Variants in MAGI2 observed in about 807,000 individuals in gnomAD.
MAGI2 encodes membrane-associated guanylate kinase, WW and PDZ domain-containing protein 2.
In MAGI2, 35 loss-of-function variants were observed where a neutral mutation model predicts 133.3. That is an observed-to-expected ratio of 0.26 (90% confidence interval 0.20 to 0.35). MAGI2 has a LOEUF of 0.35. MAGI2 is among the 10% of genes least tolerant of loss of function. The probability of loss-of-function intolerance (pLI) is 1.00; values close to 1 mark genes in which losing one functional copy is unlikely to be tolerated. For missense variants in MAGI2, 1,636 were observed against 1,863.4 expected (o/e 0.88, Z 2.25); for synonymous variants, 729 against 710.6 (o/e 1.03, Z -0.41).
At chr7:79,146,287 G>A (rs1479841458) in intron 1 of MAGI2, among the ~76,000 whole-genome samples, 2 of 152,182 alleles carry the variant, frequency 1.3e-5, no homozygotes, top group Non-Finnish European at 2.9e-5. Flanking sequence ...ACACCTTTTT[G>A]TGCTTTGTAC....
chr7:79,379,111 TC>T (rs11367140), intron 1 of MAGI2, among the ~76,000 whole-genome samples: 62,937 of 136,116 alleles, frequency 0.46, 14,168 homozygotes, highest in African/African-American at 0.6. Context: ...CCCTCCCTCC[TC>T]CCCCCCACCC....
At chr7:78,594,854 G>A (rs1804431540) in intron 3 of MAGI2, among the ~76,000 whole-genome samples, 1 of 152,110 alleles carries the variant, frequency 6.6e-6, no homozygotes, top group African/African-American at 2.4e-5. Flanking sequence ...GGAAACAAGG[G>A]TAATCACCCC....
intron 2 of MAGI2, among the ~76,000 whole-genome samples, chr7:78,729,510 A>G (rs1821162800): frequency 6.6e-6 from 1 of 152,212 alleles, no homozygotes; most frequent in Non-Finnish European, 1.5e-5. Flanking sequence ...CTTGGCCAAC[A>G]GACTCAGAGA....
intron 6 of MAGI2, among the ~76,000 whole-genome samples, chr7:78,464,468 T>G (rs998480196): frequency 1.3e-5 from 2 of 152,158 alleles, no homozygotes; most frequent in Non-Finnish European, 2.9e-5. Flanking sequence ...CCCCTATACC[T>G]GTAGCCCTTT....
At chr7:78,859,837 C>T (rs1181186498) in intron 2 of MAGI2, among the ~76,000 whole-genome samples, 2 of 152,124 alleles carry the variant, frequency 1.3e-5, no homozygotes, top group African/African-American at 4.8e-5. Context: ...AGAGTGTTTT[C>T]CAAGTTGGTT....
intron 3 of MAGI2, among the ~76,000 whole-genome samples, chr7:78,622,039 C>T (rs575084100): frequency 1.7e-4 from 26 of 152,092 alleles, no homozygotes; most frequent in African/African-American, 6.3e-4. Flanking sequence ...ATAAAGGACT[C>T]TCTTGATCTT....
chr7:78,306,828 A>C (rs1399617819), intron 9 of MAGI2, among the ~76,000 whole-genome samples: 2 of 152,164 alleles, frequency 1.3e-5, no homozygotes, highest in Non-Finnish European at 2.9e-5. Context: ...ATGTTTATGC[A>C]ATGTCAGCAG....
At chr7:79,001,589 T>C (rs922897463) in intron 2 of MAGI2, among the ~76,000 whole-genome samples, 1 of 152,208 alleles carries the variant, frequency 6.6e-6, no homozygotes, top group African/African-American at 2.4e-5. Context: ...TTTCCTCATA[T>C]TTAAGAAGCA....
chr7:78,643,947 T>A (rs759891056), intron 2 of MAGI2, among the ~76,000 whole-genome samples: 82 of 152,016 alleles, frequency 5.4e-4, no homozygotes, highest in Non-Finnish European at 1.1e-3. Context: ...TACAAAAAAC[T>A]TACTTTAAAT....
rs1025781351 is a variant in MAGI2 at position 79,256,690 on chromosome 7, G to A, written c.301+196330C>T. On this transcript the variant is annotated intron_variant, in intron 1 of 21. Transcript: ENST00000354212. The stretch of plus-strand genomic sequence containing the variant: ...TTTTTGGTAGAGACAGGGTTTCGCC[G>A]TGCTGCCTAAGGCTAGTCTCAAACT... Among the ~76,000 whole-genome samples, 3 of 151,774 alleles carry A rather than the reference G, an allele frequency of 2.0e-5. No homozygotes were observed. In the South Asian group the frequency reaches 6.2e-4, roughly 32 times the overall value.
chr7:78,430,511 G>A (rs1399270392), intron 6 of MAGI2, among the ~76,000 whole-genome samples: 2 of 151,862 alleles, frequency 1.3e-5, no homozygotes, highest in Non-Finnish European at 2.9e-5. Flanking sequence ...AATATACTTA[G>A]TTTTTGAGTT....
intron 2 of MAGI2, among the ~76,000 whole-genome samples, chr7:78,734,144 C>T (rs1285678781): frequency 1.3e-5 from 2 of 152,066 alleles, no homozygotes; most frequent in Admixed American, 1.3e-4. Context: ...ACAAAGACAA[C>T]AAATTATGTT....
At chr7:78,991,668 G>A (rs1805801583) in intron 2 of MAGI2, among the ~76,000 whole-genome samples, 1 of 150,976 alleles carries the variant, frequency 6.6e-6, no homozygotes, top group Non-Finnish European at 1.5e-5. Context: ...AGGCTTTTTG[G>A]GAACACAGGT....
chr7:79,134,833 G>T (rs1396099833), intron 1 of MAGI2, among the ~76,000 whole-genome samples: 1 of 152,158 alleles, frequency 6.6e-6, no homozygotes, highest in Admixed American at 6.5e-5. Flanking sequence ...AAAATAATTG[G>T]CATTTTCAAT....
intron 2 of MAGI2, among the ~76,000 whole-genome samples, chr7:78,981,804 G>A (rs753160259): frequency 1.2e-4 from 18 of 151,840 alleles, no homozygotes; most frequent in African/African-American, 4.8e-5. Context: ...TCTGCATTAC[G>A]TAGACAGTGT....
At chr7:78,375,992 T>C in intron 6 of MAGI2, among the ~76,000 whole-genome samples, 1 of 152,158 alleles carries the variant, frequency 6.6e-6, no homozygotes, top group East Asian at 1.9e-4. Context: ...TTGTCTCTTT[T>C]TTCCTTTATT....
At chr7:78,268,899 T>G (rs1434062226) in intron 9 of MAGI2, among the ~76,000 whole-genome samples, 2 of 152,148 alleles carry the variant, frequency 1.3e-5, no homozygotes, top group African/African-American at 4.8e-5. Flanking sequence ...ACCCATCATC[T>G]ACATTAGGTA....
chr7:79,125,124 C>T, intron 1 of MAGI2: 1 of 300,330 alleles, frequency 3.3e-6, no homozygotes, highest in East Asian at 7.8e-5. Flanking sequence ...GTGGGAAAAT[C>T]AAACTGATTA....
intron 1 of MAGI2, among the ~76,000 whole-genome samples, chr7:79,072,845 T>G (rs1240634492): frequency 2.0e-5 from 3 of 152,174 alleles, no homozygotes. Context: ...TATAATGAAG[T>G]GCAACTCTTA....
Sources: gnomAD v4.1 joint callset for allele counts (sites outside exome capture counted in the v4.1 genomes callset) on GRCh38, gnomAD v4.1.1 for gene constraint, MANE v1.5 for transcripts, NCBI Gene and HGNC (gene_info 2026-07-23, HGNC 2026-07-21) for gene names.